Variants in GLI3 observed in about 807,000 individuals in gnomAD.
The protein encoded by GLI3 is GLI family zinc finger 3.
GLI3 carries 20 observed loss-of-function variants against 100.8 expected under a neutral mutation model. The ratio of observed to expected loss-of-function variants is 0.20; its 90% confidence interval spans 0.14 to 0.29. The LOEUF (loss-of-function observed/expected upper bound fraction) is 0.29, where lower values mean the gene tolerates loss of function less well. GLI3 is among the 10% of genes least tolerant of loss of function. The pLI, the probability that GLI3 is intolerant of heterozygous loss-of-function variation, is 1.00. For synonymous variants in GLI3, 938 were observed against 860.5 expected, an observed-to-expected ratio of 1.09 and a Z score of -1.58; for missense variants, 2,040 against 2,128.5, an observed-to-expected ratio of 0.96 and a Z score of 0.82.
At chr7:42,155,786 G>A (rs981578182) in intron 2 of GLI3, among the ~76,000 whole-genome samples, 5 of 152,302 alleles carry the variant, frequency 3.3e-5, no homozygotes, top group Non-Finnish European at 5.9e-5. Context: ...CACTGCAGCA[G>A]AAAGCTTTGA....
chr7:42,068,168 T>C lies in GLI3; in HGVS notation c.473+8584A>G, dbSNP rs138591347. Among the ~76,000 whole-genome samples the C allele has an allele frequency of 5.6e-3, 849 of 152,374 alleles. 5 individuals carry two copies. The highest frequency in any genetic ancestry group is 0.019 in the African/African-American group (788 of 41,590). The stretch of plus-strand genomic sequence containing the variant: ...CACAAGAGAAAAGAGGCAGAGTATA[T>C]TTCTAGCATCGCACTTGATGTTTTT... On this transcript the variant is annotated intron_variant, in intron 4 of 14. Coordinates refer to ENST00000395925, the MANE Select transcript of GLI3 (RefSeq NM_000168.6).
rs1788515712 is a variant in GLI3, at chr7:42,223,001, CT to C, written c.124+128del. ...TCCCCCCGCCGTCCCCCCGCCCCTGCTCCATTTGCTTTCTTTAGCGTCTCCT... is the reference window on the plus strand; with the variant it reads ...TCCCCCCGCCGTCCCCCCGCCCCTGCCCATTTGCTTTCTTTAGCGTCTCCT... On this transcript the variant is annotated intron_variant, in intron 2 of 14. Coordinates refer to ENST00000395925, the MANE Select transcript of GLI3 (RefSeq NM_000168.6). 2.6e-6 allele frequency: 3 copies of C among 1,136,530 alleles called. No individual in the cohort carries two copies. In the Admixed American group the frequency reaches 5.1e-5, roughly 19 times the overall value. 70.4% of individuals were successfully genotyped at this position (1,136,530 alleles called of 1,614,324 possible).
chr7:42,004,372 T>G (rs1439089761), intron 10 of GLI3, among the ~76,000 whole-genome samples: 1 of 151,958 alleles, frequency 6.6e-6, no homozygotes, highest in African/African-American at 2.4e-5. Flanking sequence ...ATCACAGGAG[T>G]GTATTATTAG....
chr7:42,237,243 C>T (rs1788826257), upstream of GLI3, among the ~76,000 whole-genome samples: 1 of 151,564 alleles, frequency 6.6e-6, no homozygotes, highest in Non-Finnish European at 1.5e-5. Context: ...CCTGCCCGCT[C>T]CCTCCCGCTC....
At chr7:42,147,126 CG>C (rs1437803560) in intron 3 of GLI3, among the ~76,000 whole-genome samples, 2 of 152,058 alleles carry the variant, frequency 1.3e-5, no homozygotes, top group South Asian at 2.1e-4. Flanking sequence ...GGAGGTGGTG[CG>C]GGGTAGCGGT....
chr7:42,003,097 T>C (rs555765711), intron 10 of GLI3, among the ~76,000 whole-genome samples: 22 of 152,310 alleles, frequency 1.4e-4, no homozygotes, highest in African/African-American at 4.8e-4. Context: ...GTCTGACTGA[T>C]AGCAGTAGAT....
intron 3 of GLI3, among the ~76,000 whole-genome samples, chr7:42,108,073 T>G (rs974471117): frequency 1.3e-4 from 18 of 135,264 alleles, no homozygotes; most frequent in African/African-American, 3.7e-4. Flanking sequence ...AGGAATCTCC[T>G]GGGCTAGAAG....
intron 2 of GLI3, among the ~76,000 whole-genome samples, chr7:42,221,438 T>G (rs887502369): frequency 1.3e-5 from 2 of 152,182 alleles, no homozygotes; most frequent in Admixed American, 1.3e-4. Context: ...TTCACACATA[T>G]GCATGCTCAC....
Position 41,977,716 on chromosome 7 carries a change from C to T in GLI3, c.1654G>A (p.Gly552Ser). Residue 552 changes from glycine to serine, a missense_variant, in exon 12 of 15, where the codon GGT (glycine) becomes AGT (serine). This residue lies in a region of GLI3 where 61 missense variants were observed against 150.9 expected (regional missense o/e 0.40). Coordinates refer to ENST00000395925, the MANE Select transcript of GLI3 (RefSeq NM_000168.6). ...AGTCTCGAGTAGGCCTTTGTGCAAC[C>T]TTCAAACTGAGGACAACAGGTAAAT... ...GEKPHKCTFE[G>S]CTKAYSRLEN... 1 of 1,613,950 alleles carries T rather than the reference C, an allele frequency of 6.2e-7. No individual in the cohort carries two copies. Among genetic ancestry groups the T allele is most frequent in the Non-Finnish European group, 8.5e-7 (1 of 1,179,806 alleles).
rs3898405 is a variant in GLI3, at chr7:42,048,633, G to A, written c.537C>T (p.His179=). ...ACTCGGAAGCAGCAGTGGGGTTCCG[G>A]TGTGGGGAGATCCTAATGAAGGGCA... ...PDLPFIRISP[H]RNPTAASESP... is the part of the protein sequence containing the mutation. Residue 179 remains histidine, a synonymous_variant, in exon 5 of 15, where the codon CAC becomes CAT. Transcript: ENST00000395925. 137,469 of 1,609,700 alleles carry A rather than the reference G, an allele frequency of 0.085. 6,875 individuals carry two copies. The highest frequency in any genetic ancestry group is 0.099 in the Non-Finnish European group (116,922 of 1,178,216).
intron 3 of GLI3, among the ~76,000 whole-genome samples, chr7:42,106,530 A>G (rs528889242): frequency 5.5e-4 from 83 of 152,140 alleles, no homozygotes; most frequent in Non-Finnish European, 1.1e-3. Flanking sequence ...TGGGCTCTGT[A>G]TTTGTTTTGC....
chr7:42,258,264 A>T (rs190938486), intron 1 of GLI3, among the ~76,000 whole-genome samples: 9 of 152,326 alleles, frequency 5.9e-5, no homozygotes, highest in African/African-American at 2.2e-4. Context: ...CATGAAACAA[A>T]TATTGTCACC....
At chr7:42,050,252 C>G (rs1244107897) in intron 4 of GLI3, among the ~76,000 whole-genome samples, 1 of 152,056 alleles carries the variant, frequency 6.6e-6, no homozygotes, top group Non-Finnish European at 1.5e-5. Flanking sequence ...CCAAAGTTTT[C>G]TAAATTTACA....
chr7:42,055,974 T>G (rs1258468135), intron 4 of GLI3, among the ~76,000 whole-genome samples: 2 of 152,138 alleles, frequency 1.3e-5, no homozygotes, highest in Non-Finnish European at 2.9e-5. Context: ...GGGTCTGTTC[T>G]CCTGATGTTG....
chr7:42,084,901 CTTTTTTTTTTTTTTT>C lies in GLI3; in HGVS notation c.368-8059_368-8045del, dbSNP rs747166719. 6.3e-5 allele frequency among the ~76,000 whole-genome samples: 3 copies of C among 47,500 alleles called. 1 individual carries two copies. Among genetic ancestry groups the C allele is most frequent in the Non-Finnish European group, 1.0e-4 (3 of 28,714 alleles). The allele number at this position is 47,500 out of a possible 152,430, so 31.2% of individuals were successfully genotyped here. A position where few individuals can be genotyped will look rare whatever the true frequency, so the allele number is the denominator to read the frequency against. On this transcript the variant is annotated intron_variant, in intron 3 of 14. Transcript: ENST00000395925. ...AGCTCTAAAAATATGCATTTGGATT[CTTTTTTTTTTTTTTT>C]TTTTTTTTTTTTTTAGATTGAGTCT...
intron 3 of GLI3, among the ~76,000 whole-genome samples, chr7:42,131,093 C>T (rs1786263455): frequency 6.6e-6 from 1 of 152,184 alleles, no homozygotes; most frequent in Non-Finnish European, 1.5e-5. Context: ...TCTGCCTCCA[C>T]TGTTGTTGGG....
chr7:42,080,309 G>C (rs1784971520), intron 3 of GLI3, among the ~76,000 whole-genome samples: 1 of 152,170 alleles, frequency 6.6e-6, no homozygotes, highest in African/African-American at 2.4e-5. Context: ...AATATGTGAT[G>C]CATCTCCTAA....
intron 2 of GLI3, among the ~76,000 whole-genome samples, chr7:42,166,501 C>T (rs1787244132): frequency 6.6e-6 from 1 of 151,914 alleles, no homozygotes; most frequent in Admixed American, 6.6e-5. Flanking sequence ...TGGAGCATCC[C>T]TGTGGGCCTT....
At chr7:42,203,593 T>C (rs1788088857) in intron 2 of GLI3, among the ~76,000 whole-genome samples, 1 of 152,246 alleles carries the variant, frequency 6.6e-6, no homozygotes, top group African/African-American at 2.4e-5. Flanking sequence ...TATGCCACTA[T>C]GTATATAACA....
Sources: gnomAD v4.1 joint callset for allele counts (sites outside exome capture counted in the v4.1 genomes callset) on GRCh38, gnomAD v4.1.1 for gene constraint, gnomAD v4.1.1 regional missense constraint, MANE v1.5 for transcripts, NCBI Gene and HGNC (gene_info 2026-07-23, HGNC 2026-07-21) for gene names.